EML2: variants seen among roughly 807,000 people sequenced by gnomAD.
EML2 encodes the protein echinoderm microtubule-associated protein-like 2.
Under a neutral mutation model 84.7 loss-of-function variants are expected in EML2, and 59 were observed. The observed-to-expected ratio is 0.70, with a 90% CI of 0.56 to 0.86. The LOEUF (loss-of-function observed/expected upper bound fraction) is 0.86, where lower values mean the gene tolerates loss of function less well. Ranked by LOEUF, EML2 falls within the 40% of genes least tolerant of loss-of-function variation. The pLI, the probability that EML2 is intolerant of heterozygous loss-of-function variation, is 0.00. For missense variants in EML2, 818 were observed against 855.6 expected (o/e 0.96, Z 0.55); for synonymous variants, 352 against 348.9 (o/e 1.01, Z -0.10).
At position 45,631,288 on chromosome 19, in the gene EML2, G is replaced by A. The variant is rs530330940; in HGVS notation, c.511-1242C>T. On this transcript the variant is annotated intron_variant, in intron 6 of 18. Transcript: ENST00000245925. ...ATGTTTCTTTAGGCCTCAGAAAACC[G>A]GTGAGGGTCCAATCCAGTGCCTCTT... 9.2e-5 allele frequency among the ~76,000 whole-genome samples: 14 copies of A among 152,226 alleles called. No individual in the cohort carries two copies. In the East Asian group the frequency reaches 2.1e-3, roughly 23 times the overall value.
chr19:45,636,487 C>T (rs980082324), intron 3 of EML2, among the ~76,000 whole-genome samples: 1 of 152,156 alleles, frequency 6.6e-6, no homozygotes, highest in Non-Finnish European at 1.5e-5. Flanking sequence ...TGACTCCAGG[C>T]TGGGTCAGCC....
At chr19:45,643,573 TCATACC>T (rs1260411825), upstream of EML2, 1 of 1,535,796 alleles carries the variant, frequency 6.5e-7, no homozygotes, top group Admixed American at 2.0e-5. Context: ...CGCAGAATAC[TCATACC>T]CAGACTCATT....
At chr19:45,617,026 A>C (rs944941119) in intron 13 of EML2, among the ~76,000 whole-genome samples, 173 bp from the exon 14 acceptor site, 3 of 152,274 alleles carry the variant, frequency 2.0e-5, no homozygotes, top group Non-Finnish European at 4.4e-5. Flanking sequence ...CGGGTGGATC[A>C]CTTGAGGTCA....
At chr19:45,631,755 G>T (rs1055787247) in intron 6 of EML2, among the ~76,000 whole-genome samples, 1 of 151,948 alleles carries the variant, frequency 6.6e-6, no homozygotes, top group South Asian at 2.1e-4. Context: ...GCCCAAGTTG[G>T]AGTGTAGTGG....
chr19:45,639,288 G>T, intron 1 of EML2, 69 bp downstream of exon 1: 1 of 1,337,420 alleles, frequency 7.5e-7, no homozygotes, highest in Non-Finnish European at 9.7e-7. Flanking sequence ...CAGGGGTTGG[G>T]TGAAACCTGA....
chr19:45,630,052 G>C lies in EML2; in HGVS notation c.511-6C>G. On this transcript the variant is annotated splice_region_variant and splice_polypyrimidine_tract_variant and intron_variant, in intron 6 of 18. Coordinates refer to ENST00000245925, the MANE Select transcript of EML2 (RefSeq NM_012155.4). Reference sequence around the variant, plus strand: ...CACAGCAGGTTGCCTCCATTCTAAAGAGGAGGAGAGAGGAGGGGGACAGAG... The same window carrying C: ...CACAGCAGGTTGCCTCCATTCTAAACAGGAGGAGAGAGGAGGGGGACAGAG... The C allele has an allele frequency of 6.2e-7, 1 of 1,603,652 alleles. No homozygotes were observed. The highest frequency in any genetic ancestry group is 1.3e-5 in the African/African-American group (1 of 74,636).
chr19:45,633,041 C>T, intron 5 of EML2, 29 bp downstream of exon 5: 1 of 1,592,434 alleles, frequency 6.3e-7, no homozygotes. Flanking sequence ...GTCCTGCACT[C>T]TTTTCTGCTT....
chr19:45,641,469 A>T, upstream of EML2: 1 of 644,588 alleles, frequency 1.6e-6, no homozygotes, highest in African/African-American at 1.8e-5. Flanking sequence ...CAGACCTTCC[A>T]CTGTTACCGT....
Position 45,609,771 on chromosome 19 carries a change from G to A in EML2, c.1842C>T (p.Tyr614=), listed in dbSNP as rs780151012. Reference sequence around the variant, plus strand: ...TTGTCACATGGCTGCTGTGTCCACCGTACTTGTGGCTGAGGGCCTGTTACA... The same window carrying A: ...TTGTCACATGGCTGCTGTGTCCACCATACTTGTGGCTGAGGGCCTGTTACA... ...CCQPRALSHK[Y]GGHSSHVTNV... The change falls in exon 19 of 19, where the codon TAC becomes TAT. Residue 614 remains tyrosine (Y), a synonymous_variant. Transcript: ENST00000245925. The A allele has an allele frequency of 1.4e-5, 23 of 1,612,236 alleles. 1 individual carries two copies. Among genetic ancestry groups the A allele is most frequent in the African/African-American group, 6.7e-5 (5 of 74,792 alleles).
In EML2 at chr19:45,621,580, AGCC is replaced by A. The variant is rs756398674; in HGVS notation, c.896_898del (p.Gly299_Leu300delinsVal). 3.1e-6 allele frequency: 5 copies of A among 1,612,256 alleles called. No individual in the cohort carries two copies. In the Admixed American group the frequency reaches 8.3e-5, roughly 27 times the overall value. On this transcript the variant is annotated inframe_deletion, in exon 10 of 19. Transcript: ENST00000245925. ...CAGCGTCCCGTCCCGCAGGGCGCAG[AGCC>A]CAAACACGCCGCCGTCGTGGGCGCC... is the stretch of plus-strand genomic sequence containing the variant.
At chr19:45,615,242 A>G (rs1970895564) in intron 16 of EML2, among the ~76,000 whole-genome samples, 1 of 151,972 alleles carries the variant, frequency 6.6e-6, no homozygotes, top group Non-Finnish European at 1.5e-5. Flanking sequence ...CAGGAGCCTG[A>G]GGCAAGAGAA....
intron 8 of EML2, among the ~76,000 whole-genome samples, chr19:45,625,861 CCT>C (rs143462984): frequency 0.041 from 6,207 of 151,824 alleles, 446 homozygotes; most frequent in African/African-American, 0.14. Flanking sequence ...CCGCAGCACC[CCT>C]GTTTTTGTTT....
In EML2 at chr19:45,616,456, C is replaced by G; in HGVS notation, c.1509+5G>C. ...GGCGCGGGCTGGGGGCCACTGCCCACTCACCGAGCACTTGCCCAGGCGGCT... is the reference window on the plus strand; with the variant it reads ...GGCGCGGGCTGGGGGCCACTGCCCAGTCACCGAGCACTTGCCCAGGCGGCT... On this transcript the variant is annotated splice_donor_5th_base_variant and intron_variant, in intron 15 of 18. Transcript: ENST00000245925. 1.3e-6 allele frequency: 2 copies of G among 1,580,182 alleles called. No individual in the cohort carries two copies. Among genetic ancestry groups the G allele is most frequent in the Non-Finnish European group, 1.7e-6 (2 of 1,157,358 alleles).
At chr19:45,641,673 G>A, upstream of EML2, 1 of 1,536,184 alleles carries the variant, frequency 6.5e-7, no homozygotes, top group Non-Finnish European at 8.7e-7. Flanking sequence ...TGCTGCTGGA[G>A]GATGTGGTCC....
intron 7 of EML2, among the ~76,000 whole-genome samples, chr19:45,628,373 G>GA (rs963660391): frequency 2.2e-4 from 30 of 135,992 alleles, no homozygotes; most frequent in Non-Finnish European, 2.6e-4. Context: ...ATCTCAAATA[G>GA]AAAAAAAAAA....
rs754061071 is a variant in EML2 at position 45,626,435 on chromosome 19, A to G, written c.741+270T>C. ...GAGATAGGGTCTCGTTCTATCACCC[A>G]GGCTGGAGTGATCATTTGATCACGG... On this transcript the variant is annotated intron_variant, in intron 8 of 18. Coordinates refer to ENST00000245925, the MANE Select transcript of EML2 (RefSeq NM_012155.4). Among the ~76,000 whole-genome samples, 9 of 124,100 alleles carry G rather than the reference A, an allele frequency of 7.3e-5. No homozygotes were observed. The South Asian group carries it at 1.0e-3, about 14-fold the overall frequency. The allele number at this position is 124,100 out of a possible 152,430, so 81.4% of individuals were successfully genotyped here.
intron 11 of EML2, 49 bp downstream of exon 11, chr19:45,621,158 C>T: frequency 6.3e-7 from 1 of 1,598,812 alleles, no homozygotes; most frequent in Non-Finnish European, 8.5e-7. Context: ...CAGGGAAGGC[C>T]AGGGAAAGAG....
upstream of EML2, chr19:45,639,500 G>T: frequency 9.6e-7 from 1 of 1,039,298 alleles, no homozygotes; most frequent in Admixed American, 4.3e-5. Context: ...CCCTGGAGCC[G>T]GAGGGTCCCA....
At position 45,626,822 on chromosome 19, in the gene EML2, T is replaced by C. The variant is rs775199695; in HGVS notation, c.624A>G (p.Val208=). ...VVDVKCSNEA[V]LVATFHPTDP... ...CCGTGGGGTGGAAGGTGGCCACCAA[T>C]ACAGCCTCATTGGAGCACTTTGGGG... Residue 208 remains valine, a synonymous_variant, in exon 8 of 19, where the codon GTA becomes GTG. Transcript: ENST00000245925. 25 of 1,613,106 alleles carry C rather than the reference T, an allele frequency of 1.5e-5. No homozygotes were observed. The highest frequency in any genetic ancestry group is 2.1e-5 in the Non-Finnish European group (25 of 1,179,682).
Sources: allele counts gnomAD v4.1 joint callset (sites outside exome capture counted in the v4.1 genomes callset), GRCh38; gene constraint gnomAD v4.1.1; transcripts MANE v1.5; gene names NCBI Gene and HGNC (gene_info 2026-07-23, HGNC 2026-07-21).